Variants in WDR49 observed in about 807,000 individuals in gnomAD.
WDR49 encodes the protein WD repeat domain 49, also known as cilia- and flagella-associated protein 337.
In WDR49, 107 loss-of-function variants were observed where a neutral mutation model predicts 119.5. The observed-to-expected ratio is 0.90, with a 90% CI of 0.77 to 1.05. The LOEUF is 1.05. Ranked by LOEUF, WDR49 falls within the 50% of genes least tolerant of loss-of-function variation. WDR49 has a pLI of 0.00. For missense variants in WDR49, 1,240 were observed against 1,220.5 expected (o/e 1.02, Z -0.24); for synonymous variants, 425 against 418.8 (o/e 1.01, Z -0.18).
Position 167,500,980 on chromosome 3 carries a change from T to C in WDR49, c.2885-681A>G, listed in dbSNP as rs182379099. 5.6e-3 allele frequency among the ~76,000 whole-genome samples: 848 copies of C among 152,324 alleles called. 5 individuals carry two copies. The highest frequency in any genetic ancestry group is 9.9e-3 in the Non-Finnish European group (674 of 68,016). ...CCTAAGAAAAGGAAACTAATCCGTA[T>C]TCAGCACCTGCTATGGAACAAGTCA... On this transcript the variant is annotated intron_variant, in intron 17 of 18. Transcript: ENST00000682715.
At chr3:167,615,236 G>A (rs1478759779) in intron 5 of WDR49, among the ~76,000 whole-genome samples, 1 of 152,116 alleles carries the variant, frequency 6.6e-6, no homozygotes, top group East Asian at 1.9e-4. Context: ...CTGGGCTCAG[G>A]TGATCCTCCC....
At chr3:167,610,562 T>C (rs1716292255) in intron 5 of WDR49, among the ~76,000 whole-genome samples, 1 of 152,214 alleles carries the variant, frequency 6.6e-6, no homozygotes, top group African/African-American at 2.4e-5. Context: ...TTGACTCTAG[T>C]CCCTGACTTG....
intron 7 of WDR49, among the ~76,000 whole-genome samples, chr3:167,584,537 G>A (rs1219394037): frequency 1.3e-5 from 2 of 151,940 alleles, no homozygotes; most frequent in East Asian, 1.9e-4. Flanking sequence ...TGGCATCAAA[G>A]TACACAAAAA....
chr3:167,505,915 A>G (rs1310673330), intron 16 of WDR49, among the ~76,000 whole-genome samples: 2 of 152,186 alleles, frequency 1.3e-5, no homozygotes, highest in East Asian at 3.8e-4. Context: ...GAATTCACAG[A>G]AAGGATTTTT....
At chr3:167,567,091 C>T (rs186786129) in intron 8 of WDR49, among the ~76,000 whole-genome samples, 1 of 152,266 alleles carries the variant, frequency 6.6e-6, no homozygotes, top group African/African-American at 2.4e-5. Flanking sequence ...CAGTACCAAT[C>T]CCTCTTCCAA....
chr3:167,495,828 C>T (rs1032109365), intron 18 of WDR49, among the ~76,000 whole-genome samples: 1 of 122,390 alleles, frequency 8.2e-6, no homozygotes, highest in African/African-American at 3.1e-5. Flanking sequence ...ACATTAAGAG[C>T]AGGATTTTAA....
intron 16 of WDR49, among the ~76,000 whole-genome samples, chr3:167,506,757 G>A (rs1465932606): frequency 1.3e-5 from 2 of 152,058 alleles, no homozygotes; most frequent in Non-Finnish European, 2.9e-5. Context: ...TGATTTTTCT[G>A]TAACGTCAAC....
intron 16 of WDR49, among the ~76,000 whole-genome samples, chr3:167,519,705 A>T (rs1752357720): frequency 6.6e-6 from 1 of 152,072 alleles, no homozygotes; most frequent in Admixed American, 6.6e-5. Flanking sequence ...TACTTAGGTT[A>T]TAGGTCAATA....
chr3:167,548,286 CT>C (rs535616467), intron 10 of WDR49, among the ~76,000 whole-genome samples: 6 of 151,998 alleles, frequency 3.9e-5, no homozygotes, highest in Non-Finnish European at 7.4e-5. Context: ...CAGCTCAAGA[CT>C]GGATTCAGAT....
chr3:167,646,635 T>G (rs1311400607), intron 2 of WDR49, among the ~76,000 whole-genome samples: 1 of 152,214 alleles, frequency 6.6e-6, no homozygotes. Flanking sequence ...TTTATGAAAT[T>G]CTTACTTTAT....
chr3:167,487,196 A>G (rs1750958030), intron 18 of WDR49, among the ~76,000 whole-genome samples: 1 of 152,126 alleles, frequency 6.6e-6, no homozygotes, highest in Non-Finnish European at 1.5e-5. Flanking sequence ...CACCAATGGA[A>G]AAGAATAAAA....
At position 167,639,779 on chromosome 3, in the gene WDR49, G is replaced by A. The variant is rs535610543; in HGVS notation, c.166-12487C>T. On this transcript the variant is annotated intron_variant, in intron 2 of 18. Transcript: ENST00000682715. ...AAAGATCCAACTTCAACCAATCTCT[G>A]GTAATTATCTTCATTCTTTTGTTCT... 7.2e-5 allele frequency among the ~76,000 whole-genome samples: 11 copies of A among 151,752 alleles called. 1 individual carries two copies. In the South Asian group the frequency reaches 1.7e-3, roughly 23 times the overall value.
chr3:167,491,701 G>A (rs1379837878), intron 18 of WDR49, among the ~76,000 whole-genome samples: 1 of 152,038 alleles, frequency 6.6e-6, no homozygotes, highest in Non-Finnish European at 1.5e-5. Flanking sequence ...AATGTGAATG[G>A]GTTCTGGGGA....
intron 3 of WDR49, among the ~76,000 whole-genome samples, chr3:167,625,281 C>G (rs1717080847): frequency 6.6e-6 from 1 of 151,936 alleles, no homozygotes; most frequent in African/African-American, 2.4e-5. Context: ...GACTCAGAAG[C>G]CGACTTGCAT....
rs542604215 is a variant in WDR49 at position 167,503,146 on chromosome 3, T to G, written c.2884+2161A>C. ...TACAACTCAGGCAGCCACTCCAGAG[T>G]GTGTAAGCCATAGCTTTGGTGGCTT... On this transcript the variant is annotated intron_variant, in intron 17 of 18. Coordinates refer to ENST00000682715, the MANE Select transcript of WDR49 (RefSeq NM_001366157.1). Among the ~76,000 whole-genome samples, 15 of 152,276 alleles carry G rather than the reference T, an allele frequency of 9.9e-5. No homozygotes were observed. The East Asian group carries it at 1.9e-3, about 20-fold the overall frequency.
intron 8 of WDR49, among the ~76,000 whole-genome samples, chr3:167,569,250 A>T (rs1397362875): frequency 1.3e-5 from 2 of 152,160 alleles, no homozygotes; most frequent in East Asian, 1.9e-4. Context: ...CCTGTATTAC[A>T]GTTAATTTTA....
At chr3:167,495,884 A>AAAAAAAAAAAAAAAAAAAAAAAT (rs1751336705) in intron 18 of WDR49, among the ~76,000 whole-genome samples, 1 of 39,932 alleles carries the variant, frequency 2.5e-5, no homozygotes, top group Non-Finnish European at 4.7e-5. Context: ...TAAAAATTTG[A>AAAAAAAAAAAAAAAAAAAAAAAT]AAAAAAAAAA....
intron 9 of WDR49, among the ~76,000 whole-genome samples, chr3:167,555,710 C>A (rs1219998428): frequency 6.6e-6 from 1 of 152,132 alleles, no homozygotes; most frequent in Non-Finnish European, 1.5e-5. Context: ...AATCCCTACA[C>A]ACATTTTGGT....
chr3:167,615,588 G>A (rs967902554), intron 5 of WDR49, among the ~76,000 whole-genome samples: 2 of 151,762 alleles, frequency 1.3e-5, no homozygotes, highest in Admixed American at 1.3e-4. Context: ...ATTGCAAAAT[G>A]GCTTTTTTTT....
Sources: gnomAD v4.1 joint callset for allele counts (sites outside exome capture counted in the v4.1 genomes callset) on GRCh38, gnomAD v4.1.1 for gene constraint, MANE v1.5 for transcripts, NCBI Gene and HGNC (gene_info 2026-07-23, HGNC 2026-07-21) for gene names.